Variants in SRSF4 observed in about 807,000 individuals in gnomAD.
SRSF4 encodes the protein serine/arginine-rich splicing factor 4.
SRSF4 carries 12 observed loss-of-function variants against 48.8 expected under a neutral mutation model. The ratio of observed to expected loss-of-function variants is 0.25; its 90% CI spans 0.16 to 0.40. The LOEUF is 0.40. Among genes scored for constraint, SRSF4 ranks in the 10% least tolerant of loss-of-function variants. The pLI, the probability that SRSF4 is intolerant of heterozygous loss-of-function variation, is 1.00. For synonymous variants in SRSF4, 248 were observed against 232.5 expected (o/e 1.07, Z -0.61); for missense variants, 466 against 667.1 (o/e 0.70, Z 3.32).
At chr1:29,152,490 G>A (rs1008812836) in intron 4 of SRSF4, among the ~76,000 whole-genome samples, 16 of 152,196 alleles carry the variant, frequency 1.1e-4, no homozygotes, top group African/African-American at 3.1e-4. Flanking sequence ...CTGGCCTAAT[G>A]GTCAGTATAT....
chr1:29,176,068 C>T (rs1332039181), intron 1 of SRSF4, among the ~76,000 whole-genome samples: 4 of 151,888 alleles, frequency 2.6e-5, no homozygotes, highest in African/African-American at 4.8e-5. Flanking sequence ...CTGCCTAACA[C>T]GGTGAAACCC....
At chr1:29,168,190 A>AT (rs1672695816) in intron 1 of SRSF4, among the ~76,000 whole-genome samples, 2 of 95,752 alleles carry the variant, frequency 2.1e-5, no homozygotes, top group African/African-American at 8.3e-5. Flanking sequence ...AATTTTTTGT[A>AT]ATTTTTTTTT....
intron 5 of SRSF4, 98 bp from the exon 6 acceptor site, chr1:29,149,324 A>G (rs888496075): frequency 1.2e-5 from 17 of 1,360,828 alleles, no homozygotes; most frequent in Middle Eastern, 5.2e-4. Context: ...ACACCCCCCA[A>G]TATAAAGCAT....
intron 1 of SRSF4, among the ~76,000 whole-genome samples, chr1:29,181,179 C>CG (rs1672949316): frequency 6.6e-6 from 1 of 152,228 alleles, no homozygotes; most frequent in Non-Finnish European, 1.5e-5. Context: ...CTCCAGTCCT[C>CG]GGGGAAGACG....
chr1:29,161,790 G>A (rs1489037754), intron 1 of SRSF4, among the ~76,000 whole-genome samples: 1 of 152,120 alleles, frequency 6.6e-6, no homozygotes, highest in Non-Finnish European at 1.5e-5. Context: ...GTAGAGACAG[G>A]GTTTTGCCAT....
rs551100181 is a variant in SRSF4, at chr1:29,150,109, C to G, written c.662G>C (p.Arg221Pro). The G allele has an allele frequency of 6.2e-7, 1 of 1,613,492 alleles. No homozygotes were observed. Among genetic ancestry groups the G allele is most frequent in the South Asian group, 1.1e-5 (1 of 91,056 alleles). ...SKSSHSKSRS[R>P]SRSGSRSRSK... ...TATAACATGGAAGACATACCTGGAC[C>G]GAGATCTACTCTTAGAATGACTGCT... The change falls in exon 5 of 6, where the codon CGG (arginine) becomes CCG (proline). Residue 221 changes from arginine to proline, a missense_variant. Physicochemically the swap from Arg to Pro is moderately radical, Grantham distance 103 (BLOSUM62 -2). Transcript: ENST00000373795.
chr1:29,152,421 C>T (rs1472112320), intron 4 of SRSF4, among the ~76,000 whole-genome samples: 1 of 152,116 alleles, frequency 6.6e-6, no homozygotes, highest in Non-Finnish European at 1.5e-5. Flanking sequence ...AGTCAAAAGA[C>T]CTAAATAACA....
chr1:29,168,147 T>C (rs1205250413), intron 1 of SRSF4, among the ~76,000 whole-genome samples: 2 of 151,824 alleles, frequency 1.3e-5, no homozygotes, highest in Non-Finnish European at 2.9e-5. Flanking sequence ...TTAGAGTGGC[T>C]GGGACTACAG....
intron 1 of SRSF4, among the ~76,000 whole-genome samples, chr1:29,178,546 C>T (rs532813269): frequency 2.6e-5 from 4 of 151,670 alleles, no homozygotes; most frequent in South Asian, 2.1e-4. Flanking sequence ...TTAGTAGAGA[C>T]GGGGTTTCAC....
intron 1 of SRSF4, chr1:29,168,635 C>A (rs1672701446): frequency 6.6e-6 from 1 of 152,146 alleles, no homozygotes; most frequent in Non-Finnish European, 1.5e-5. Context: ...CAGAACATAA[C>A]AGACTAGAAG....
At chr1:29,173,273 G>A (rs1228828926) in intron 1 of SRSF4, 1 of 150,336 alleles carries the variant, frequency 6.7e-6, no homozygotes, top group Non-Finnish European at 1.5e-5. Context: ...AAGTAGCTGG[G>A]ACTACAGGCG....
chr1:29,154,941 G>A, intron 3 of SRSF4, 31 bp from the exon 4 acceptor site: 1 of 1,582,674 alleles, frequency 6.3e-7, no homozygotes, highest in Non-Finnish European at 8.6e-7. Context: ...GACTACATTA[G>A]GATATGTTTT....
At chr1:29,163,179 C>T (rs114632849) in intron 1 of SRSF4, among the ~76,000 whole-genome samples, 3,567 of 152,206 alleles carry the variant, frequency 0.023, 63 homozygotes, top group Admixed American at 0.037. Flanking sequence ...CAGAAAAATC[C>T]CTACAAACCT....
At chr1:29,167,839 T>G (rs1352821321) in intron 1 of SRSF4, among the ~76,000 whole-genome samples, 1 of 152,212 alleles carries the variant, frequency 6.6e-6, no homozygotes, top group Non-Finnish European at 1.5e-5. Context: ...TTTCATCCAT[T>G]TGTATATCAA....
intron 2 of SRSF4, chr1:29,159,841 G>GAA (rs5773232): frequency 3.1e-3 from 511 of 162,830 alleles, no homozygotes; most frequent in South Asian, 6.1e-3. Flanking sequence ...ATTTTATATG[G>GAA]AAAAAAAAAG....
At chr1:29,181,281 G>A (rs1236735469) in intron 1 of SRSF4, among the ~76,000 whole-genome samples, 1 of 152,226 alleles carries the variant, frequency 6.6e-6, no homozygotes, top group Non-Finnish European at 1.5e-5. Flanking sequence ...AGCGGGAAAG[G>A]TTGGTGTCTA....
At chr1:29,153,414 C>G (rs1672446603) in intron 4 of SRSF4, among the ~76,000 whole-genome samples, 1 of 152,056 alleles carries the variant, frequency 6.6e-6, no homozygotes, top group African/African-American at 2.4e-5. Context: ...TCCCAAAGTG[C>G]TGGGATTACA....
intron 5 of SRSF4, among the ~76,000 whole-genome samples, chr1:29,149,716 C>T (rs12038200): frequency 0.12 from 17,176 of 145,626 alleles, 1,372 homozygotes; most frequent in East Asian, 0.41. Context: ...GAAAAAGAAG[C>T]TGGAAAAGCA....
In SRSF4 at chr1:29,154,697, T is replaced by C. The variant is rs1672471371; in HGVS notation, c.577A>G (p.Arg193Gly). ...ACACACAAAAGACATCAACAGTACC[T>C]TGAATGACTCCGGCTTCTGGAGTAG... The part of the protein sequence containing the change: ...RSYSRSRSHS[R>G]SRSRSRHSRK... Residue 193 changes from arginine to glycine, a missense_variant and splice_region_variant, in exon 4 of 6, where the codon AGG becomes GGG. Physicochemically the swap from Arg to Gly is moderately radical, Grantham distance 125. This residue lies in a region of SRSF4 where 402 missense variants were observed against 437.0 expected (regional missense o/e 0.92). Transcript: ENST00000373795. The C allele has an allele frequency of 1.2e-6, 2 of 1,614,220 alleles. No individual in the cohort carries two copies. The highest frequency in any genetic ancestry group is 1.7e-6 in the Non-Finnish European group (2 of 1,180,038).
Sources: gnomAD v4.1 joint callset for allele counts (sites outside exome capture counted in the v4.1 genomes callset) on GRCh38, gnomAD v4.1.1 for gene constraint, gnomAD v4.1.1 regional missense constraint, MANE v1.5 for transcripts, NCBI Gene and HGNC (gene_info 2026-07-23, HGNC 2026-07-21) for gene names.